The following DLG4 variants were observed in gnomAD, a reference collection of about 807,000 sequenced individuals.
DLG4 encodes disks large homolog 4.
In DLG4, 7 loss-of-function variants were observed where a neutral mutation model predicts 93.8. The observed-to-expected ratio is 0.07, with a 90% CI of 0.04 to 0.14. The LOEUF (loss-of-function observed/expected upper bound fraction) is 0.14. Ranked by LOEUF, DLG4 falls within the 10% of genes least tolerant of loss-of-function variation. DLG4 has a pLI of 1.00. For missense variants in DLG4, 545 were observed against 992.9 expected, an observed-to-expected ratio of 0.55 and a Z score of 6.06; for synonymous variants, 341 against 387.6, an observed-to-expected ratio of 0.88 and a Z score of 1.41.
At position 7,187,521 on chromosome 17, in the gene DLG4, G is replaced by A. The variant is rs2069328317; in HGVS notation, c.*3187C>T. ...AGATCGCACCACTGCACTCCAGCCT[G>A]GGCAACAAGAGCGAAACTCTGTCTC... On this transcript the variant is annotated 3_prime_UTR_variant, in exon 20 of 20. Transcript: ENST00000399506. Among the ~76,000 whole-genome samples the A allele has an allele frequency of 6.6e-6, 1 of 150,866 alleles. No homozygotes were observed. The highest frequency in any genetic ancestry group is 6.6e-5 in the Admixed American group (1 of 15,110).
upstream of DLG4, chr17:7,218,984 G>A (rs2071063374): frequency 1.1e-6 from 1 of 919,126 alleles, no homozygotes; most frequent in Admixed American, 2.0e-5. Context: ...CAGGTCCCAA[G>A]GCACCAGCAC....
At chr17:7,202,373 G>T (rs1263767818) in intron 8 of DLG4, among the ~76,000 whole-genome samples, 1 of 152,062 alleles carries the variant, frequency 6.6e-6, no homozygotes, top group Non-Finnish European at 1.5e-5. Flanking sequence ...CTCCCGTAAC[G>T]TTTTAATATA....
chr17:7,201,647 G>A (rs1053428877), intron 8 of DLG4, among the ~76,000 whole-genome samples: 4 of 152,140 alleles, frequency 2.6e-5, no homozygotes, highest in East Asian at 1.9e-4. Context: ...TTGGGAGGCC[G>A]AGGAGGGCAG....
intron 8 of DLG4, among the ~76,000 whole-genome samples, chr17:7,199,216 T>G (rs562432523): frequency 2.3e-4 from 35 of 152,052 alleles, no homozygotes; most frequent in African/African-American, 7.0e-4. Context: ...TTTATTTTTT[T>G]GGGATGGAGT....
chr17:7,193,653 G>T lies in DLG4; in HGVS notation c.1591+14C>A. 6.5e-7 allele frequency: 1 copy of T among 1,537,586 alleles called. No individual in the cohort carries two copies. Among genetic ancestry groups the T allele is most frequent in the South Asian group, 1.3e-5 (1 of 77,532 alleles). On this transcript the variant is annotated intron_variant, in intron 15 of 19. Transcript: ENST00000399506. The surrounding 1 kb of genome is among the most constrained non-coding windows in gnomAD (Gnocchi z 6.7). ...GCAGCAAGTGCTGGGGCCAAGGCAGGGGCCAGGGCTCACCTTCCATCTGCG... is the reference window on the plus strand; with the variant it reads ...GCAGCAAGTGCTGGGGCCAAGGCAGTGGCCAGGGCTCACCTTCCATCTGCG...
At chr17:7,209,113 T>C (rs1247609890) in intron 1 of DLG4, among the ~76,000 whole-genome samples, 1 of 152,086 alleles carries the variant, frequency 6.6e-6, no homozygotes, top group African/African-American at 2.4e-5. Context: ...GAGGGTAGCA[T>C]GCTGAGCCTC....
At chr17:7,199,044 C>CA (rs947248331) in intron 8 of DLG4, among the ~76,000 whole-genome samples, 1 of 151,692 alleles carries the variant, frequency 6.6e-6, no homozygotes, top group African/African-American at 2.4e-5. Flanking sequence ...AAAACAAAAA[C>CA]AAAAAAACAG....
At position 7,210,410 on chromosome 17, in the gene DLG4, C is replaced by T. The variant is rs566095893; in HGVS notation, c.31-2171G>A. On this transcript the variant is annotated intron_variant, in intron 1 of 19. Transcript: ENST00000399506. ...AGCAAGATTGAGTCTATTCTCTGGG[C>T]CACAGACTTGGAGAGAATCCTGAAC... is the stretch of plus-strand genomic sequence containing the variant. 4.6e-5 allele frequency among the ~76,000 whole-genome samples: 7 copies of T among 152,252 alleles called. No individual in the cohort carries two copies. The East Asian group carries it at 1.3e-3, about 29-fold the overall frequency.
chr17:7,217,609 G>C lies in DLG4; in HGVS notation c.-462C>G. 1 of 1,432,384 alleles carries C rather than the reference G, an allele frequency of 7.0e-7. No individual in the cohort carries two copies. Among genetic ancestry groups the C allele is most frequent in the Non-Finnish European group, 9.2e-7 (1 of 1,087,246 alleles). 88.7% of individuals were successfully genotyped at this position (1,432,384 alleles called of 1,614,324 possible). On this transcript the variant is annotated 5_prime_UTR_variant, in exon 1 of 20. Transcript: ENST00000399506. ...GCCGAGGGAGCCGTGGAGCCGAAGA[G>C]GGAAGGGGAGAGAGGAGGAGAGAGG...
chr17:7,193,639 TGGGGCCAAGGCA>T lies in DLG4; in HGVS notation c.1591+16_1591+27del. ...GCAGGGTTGGGGGAGCAGCAAGTGC[TGGGGCCAAGGCA>T]GGGGCCAGGGCTCACCTTCCATCTG... On this transcript the variant is annotated intron_variant, in intron 15 of 19. Coordinates refer to ENST00000399506, the MANE Select transcript of DLG4 (RefSeq NM_001321075.3). This position sits in a 1 kb window ranked among gnomAD's most constrained non-coding sequence, Gnocchi z 6.7. 1 of 1,533,148 alleles carries T rather than the reference TGGGGCCAAGGCA, an allele frequency of 6.5e-7. No individual in the cohort carries two copies. Among genetic ancestry groups the T allele is most frequent in the Non-Finnish European group, 8.8e-7 (1 of 1,142,196 alleles). The allele number at this position is 1,533,148 out of a possible 1,614,324, so 95.0% of individuals were successfully genotyped here. A position where few individuals can be genotyped will look rare whatever the true frequency, so the allele number is the denominator to read the frequency against.
Position 7,203,707 on chromosome 17 carries a change from T to A in DLG4, c.320A>T (p.Gln107Leu). ...TKIIPGGAAA[Q>L]DGRLRVNDSI... is the part of the protein sequence containing the mutation. ...CTCTCCCCACCTGAGGCGGCCATCCTGGGCCGCAGCCCCACCAGGAATGAT... is the reference window on the plus strand; with the variant it reads ...CTCTCCCCACCTGAGGCGGCCATCCAGGGCCGCAGCCCCACCAGGAATGAT... Residue 107 changes from glutamine to leucine, a missense_variant, in exon 5 of 20, where the codon CAG (glutamine) becomes CTG (leucine). Gln to Leu is a moderately radical substitution (Grantham distance 113). This residue lies in a region of DLG4 where 33 missense variants were observed against 107.5 expected (regional missense o/e 0.31). Coordinates refer to ENST00000399506, the MANE Select transcript of DLG4 (RefSeq NM_001321075.3). This position sits in a 1 kb window ranked among gnomAD's most constrained non-coding sequence, Gnocchi z 7.2. 1 of 1,613,952 alleles carries A rather than the reference T, an allele frequency of 6.2e-7. No individual in the cohort carries two copies. Among genetic ancestry groups the A allele is most frequent in the Non-Finnish European group, 8.5e-7 (1 of 1,179,860 alleles).
intron 1 of DLG4, among the ~76,000 whole-genome samples, chr17:7,210,530 AG>A (rs2070665396): frequency 6.6e-6 from 1 of 152,244 alleles, no homozygotes; most frequent in Non-Finnish European, 1.5e-5. Flanking sequence ...TCTTGAATAA[AG>A]GAGTTCTATG....
Position 7,190,761 on chromosome 17 carries a change from T to C in DLG4, c.2122A>G (p.Ile708Val). 6.2e-7 allele frequency: 1 copy of C among 1,613,634 alleles called. No individual in the cohort carries two copies. Among genetic ancestry groups the C allele is most frequent in the Non-Finnish European group, 8.5e-7 (1 of 1,179,708 alleles). ...ATGTAGGGGCCTGAGAGGTCCTCGA[T>C]GACACGCTTCACCTTGTGGTAGATC... ...EEIYHKVKRVIEDLSGPYIWV... is the reference protein window; with the variant it reads ...EEIYHKVKRVVEDLSGPYIWV... The change falls in exon 20 of 20, where the codon ATC (isoleucine) becomes GTC (valine). Residue 708 changes from isoleucine to valine, a missense_variant. By Grantham distance (29) the Ile-to-Val change is conservative. Transcript: ENST00000399506.
upstream of DLG4, chr17:7,218,303 G>A (rs2071027423): frequency 1.2e-6 from 2 of 1,604,140 alleles, no homozygotes; most frequent in Non-Finnish European, 1.7e-6. Flanking sequence ...ACAGAACTGA[G>A]TTACCTCCCC....
upstream of DLG4, chr17:7,219,111 C>T: frequency 1.8e-6 from 1 of 549,610 alleles, no homozygotes; most frequent in Non-Finnish European, 3.2e-6. Flanking sequence ...TCCAGCAGCT[C>T]AAAAAGAAGC....
At chr17:7,219,017 C>A, upstream of DLG4, 1 of 693,886 alleles carries the variant, frequency 1.4e-6, no homozygotes, top group Non-Finnish European at 2.5e-6. Context: ...GCTCCACACA[C>A]CCTGGCCCCC....
upstream of DLG4, chr17:7,218,413 G>A (rs1328812440): frequency 3.7e-6 from 5 of 1,367,082 alleles, no homozygotes; most frequent in African/African-American, 1.4e-5. Flanking sequence ...CACTCATGGA[G>A]GACACCATAG....
intron 8 of DLG4, 103 bp from the exon 9 acceptor site, chr17:7,197,155 A>T: frequency 8.5e-7 from 1 of 1,181,954 alleles, no homozygotes; most frequent in Non-Finnish European, 1.2e-6. Context: ...GGTGGAAGGG[A>T]AGATATTCTG....
Position 7,193,496 on chromosome 17 carries a change from T to C in DLG4, c.1680A>G (p.Gly560=). ...CCCAGCACTCACGGGGAACACAGGA[T>C]CCAAACTTGTCGGGGAACTCGGAGA... ...DLLSEFPDKF[G]SCVPHTTRPK... The change falls in exon 16 of 20, where the codon GGA becomes GGG. Residue 560 remains glycine, a synonymous_variant. Transcript: ENST00000399506. The surrounding 1 kb of genome is among the most constrained non-coding windows in gnomAD (Gnocchi z 6.7). The C allele has an allele frequency of 6.5e-7, 1 of 1,535,996 alleles. No homozygotes were observed. The highest frequency in any genetic ancestry group is 1.4e-5 in the African/African-American group (1 of 71,960).
Sources: gnomAD v4.1 joint callset for allele counts (sites outside exome capture counted in the v4.1 genomes callset) on GRCh38, gnomAD v4.1.1 for gene constraint, gnomAD v4.1.1 regional missense constraint, Gnocchi (gnomAD v3.1) non-coding constraint, MANE v1.5 for transcripts, NCBI Gene and HGNC (gene_info 2026-07-23, HGNC 2026-07-21) for gene names.